The following SMIM8 variants were observed in gnomAD, a reference collection of about 807,000 sequenced individuals.
The protein encoded by SMIM8 is small integral membrane protein 8, also known as UPF0708 protein C6orf162.
In SMIM8, 8 loss-of-function variants were observed where a neutral mutation model predicts 8.1. The observed-to-expected ratio is 0.99, with a 90% confidence interval of 0.58 to 1.78. The LOEUF (loss-of-function observed/expected upper bound fraction) is 1.78, where lower values mean the gene tolerates loss of function less well. Ranked by LOEUF, SMIM8 falls within the 40% of genes most tolerant of loss-of-function variation. SMIM8 has a pLI of 0.00. For synonymous variants in SMIM8, 45 were observed against 39.7 expected, an observed-to-expected ratio of 1.13 and a Z score of -0.50; for missense variants, 126 against 119.8, an observed-to-expected ratio of 1.05 and a Z score of -0.24.
chr6:87,335,517 G>A (rs535544875), intron 2 of SMIM8, among the ~76,000 whole-genome samples: 6 of 152,054 alleles, frequency 3.9e-5, no homozygotes, highest in Admixed American at 6.6e-5. Flanking sequence ...TGCTTAGAAC[G>A]TTCCTTTTTC....
Position 87,340,333 on chromosome 6 carries a change from A to C in SMIM8, c.*59A>C. On this transcript the variant is annotated 3_prime_UTR_variant, in exon 4 of 4. Transcript: ENST00000392863. Reference sequence around the variant, plus strand: ...AGGTTCTGAAATCTTCAAATGAAAGACCTTGTGAGTGTACAGTATCATGTT... The same window carrying C: ...AGGTTCTGAAATCTTCAAATGAAAGCCCTTGTGAGTGTACAGTATCATGTT... 1 of 1,452,812 alleles carries C rather than the reference A, an allele frequency of 6.9e-7. No individual in the cohort carries two copies. The highest frequency in any genetic ancestry group is 2.5e-5 in the East Asian group (1 of 40,230). 90.0% of individuals were successfully genotyped at this position (1,452,812 alleles called of 1,614,324 possible). A position where few individuals can be genotyped will look rare whatever the true frequency, so the allele number is the denominator to read the frequency against.
chr6:87,336,540 A>G (rs1302450499), intron 2 of SMIM8, among the ~76,000 whole-genome samples: 4 of 152,012 alleles, frequency 2.6e-5, no homozygotes, highest in African/African-American at 9.7e-5. Flanking sequence ...AGTGGGGGAA[A>G]CTGGCCAGGA....
rs2985038 is a variant in SMIM8 at position 87,326,427 on chromosome 6, T to G, written c.-45+3795T>G. On this transcript the variant is annotated intron_variant, in intron 1 of 3. Coordinates refer to ENST00000392863, the MANE Select transcript of SMIM8 (RefSeq NM_001042493.3). ...TTAGGGCTATAAATTTCCCTCTACATGCTGCTTTGAATGCATCCCAGAGAT... is the reference window on the plus strand; with the variant it reads ...TTAGGGCTATAAATTTCCCTCTACAGGCTGCTTTGAATGCATCCCAGAGAT... Among the ~76,000 whole-genome samples the G allele has an allele frequency of 4.9e-3, 749 of 151,924 alleles. 8 individuals are homozygous for G. The highest frequency in any genetic ancestry group is 0.017 in the African/African-American group (699 of 41,400).
chr6:87,326,185 C>G (rs1340247948), intron 1 of SMIM8, among the ~76,000 whole-genome samples: 1 of 152,184 alleles, frequency 6.6e-6, no homozygotes, highest in Non-Finnish European at 1.5e-5. Context: ...TGCTAGCGGT[C>G]TATCAATTTT....
At chr6:87,328,748 G>A (rs1024676696) in intron 1 of SMIM8, among the ~76,000 whole-genome samples, 1 of 152,226 alleles carries the variant, frequency 6.6e-6, no homozygotes, top group African/African-American at 2.4e-5. Context: ...TACAGAGGCA[G>A]GCAGGCCTCC....
chr6:87,325,854 C>T (rs1186339282), intron 1 of SMIM8, among the ~76,000 whole-genome samples: 4 of 152,184 alleles, frequency 2.6e-5, no homozygotes, highest in African/African-American at 9.7e-5. Context: ...CCAGTTCCTC[C>T]TTGTACCTCT....
At chr6:87,325,873 T>G (rs1582086106) in intron 1 of SMIM8, among the ~76,000 whole-genome samples, 1 of 152,358 alleles carries the variant, frequency 6.6e-6, no homozygotes, top group East Asian at 1.9e-4. Context: ...CTGTTAGAAT[T>G]CGGCTGTGAA....
At chr6:87,326,254 GTC>G (rs1324510495) in intron 1 of SMIM8, among the ~76,000 whole-genome samples, 1 of 152,120 alleles carries the variant, frequency 6.6e-6, no homozygotes, top group African/African-American at 2.4e-5. Flanking sequence ...GGTTTTTAAT[GTC>G]TCTATTTCCT....
Position 87,336,992 on chromosome 6 carries a change from T to C in SMIM8, c.-23-17T>C, listed in dbSNP as rs1777126594. 4 of 1,536,112 alleles carry C rather than the reference T, an allele frequency of 2.6e-6. No homozygotes were observed. The highest frequency in any genetic ancestry group is 3.5e-6 in the Non-Finnish European group (4 of 1,143,576). On this transcript the variant is annotated splice_polypyrimidine_tract_variant and intron_variant, in intron 2 of 3. Coordinates refer to ENST00000392863, the MANE Select transcript of SMIM8 (RefSeq NM_001042493.3). ...AGCACAATTATGAAGGGAAAAAATA[T>C]ATTATTTTGTTTTTAGATAATAAAT... is the stretch of plus-strand genomic sequence containing the variant.
intron 1 of SMIM8, among the ~76,000 whole-genome samples, chr6:87,323,572 A>C (rs201760531): frequency 1.3e-5 from 2 of 151,310 alleles, no homozygotes; most frequent in East Asian, 1.9e-4. Context: ...ATGATTTCCA[A>C]TTTCATCCAT....
intron 2 of SMIM8, among the ~76,000 whole-genome samples, chr6:87,336,746 C>A (rs758568578): frequency 2.0e-5 from 3 of 152,124 alleles, no homozygotes; most frequent in Non-Finnish European, 4.4e-5. Flanking sequence ...AAACAATTCT[C>A]CAGTCTTCTA....
chr6:87,336,858 GTACAT>G (rs1777122441), intron 2 of SMIM8, among the ~76,000 whole-genome samples, 146 bp from the exon 3 acceptor site: 1 of 152,076 alleles, frequency 6.6e-6, no homozygotes, highest in Admixed American at 6.6e-5. Context: ...CATTTACAAA[GTACAT>G]TATACAAAGT....
In SMIM8 at chr6:87,337,082, GAA is replaced by G. The variant is rs760761450; in HGVS notation, c.53_54del (p.Lys18ArgfsTer26). 10 of 1,612,872 alleles carry G rather than the reference GAA, an allele frequency of 6.2e-6. No homozygotes were observed. In the African/African-American group the frequency reaches 1.2e-4, roughly 19 times the overall value. On this transcript the variant is annotated frameshift_variant, in exon 3 of 4. Transcript: ENST00000392863. LOFTEE classifies it high-confidence loss of function. ...CATTCAAAAAGGAACCACCCAAAGA[GAA>G]AGAGTTTCAAAGCCCAGGGCTCAGA... ...PTFKKEPPKE[K>X]EFQSPGLRGV...
At chr6:87,322,892 T>G (rs1330152904) in intron 1 of SMIM8, 1 of 152,374 alleles carries the variant, frequency 6.6e-6, no homozygotes, top group African/African-American at 2.4e-5. Flanking sequence ...TGTTCGGTGC[T>G]TCATCCATGG....
intron 1 of SMIM8, among the ~76,000 whole-genome samples, chr6:87,325,391 T>C (rs1386597634): frequency 2.7e-5 from 4 of 145,952 alleles, no homozygotes; most frequent in Non-Finnish European, 4.5e-5. Flanking sequence ...CAGTATGATA[T>C]TGGCTGTGGG....
In SMIM8 at chr6:87,335,351, A is replaced by G. The variant is rs555485565; in HGVS notation, c.-23-1658A>G. Among the ~76,000 whole-genome samples, 5 of 152,264 alleles carry G rather than the reference A, an allele frequency of 3.3e-5. No homozygotes were observed. In the South Asian group the frequency reaches 1.0e-3, roughly 32 times the overall value. On this transcript the variant is annotated intron_variant, in intron 2 of 3. Transcript: ENST00000392863. ...TATTTCCCAAGTTACCAAATCCTGA[A>G]GTTGCTACAGGAGTGCTAACTGATG... is the stretch of plus-strand genomic sequence containing the variant.
intron 3 of SMIM8, among the ~76,000 whole-genome samples, chr6:87,337,832 T>C (rs1295963989): frequency 6.6e-6 from 1 of 152,160 alleles, no homozygotes; most frequent in Non-Finnish European, 1.5e-5. Context: ...GTCAGTATAT[T>C]GCCCAAACTG....
At chr6:87,326,511 C>T (rs909435472) in intron 1 of SMIM8, among the ~76,000 whole-genome samples, 2 of 151,746 alleles carry the variant, frequency 1.3e-5, no homozygotes, top group African/African-American at 4.9e-5. Context: ...TTTCTGCCTT[C>T]AGTTCGTTAT....
chr6:87,324,746 G>A (rs537187542), intron 1 of SMIM8, among the ~76,000 whole-genome samples: 24 of 152,144 alleles, frequency 1.6e-4, no homozygotes, highest in East Asian at 3.9e-4. Context: ...TTGACTTGGC[G>A]ATGTGGGCTC....
Sources: gnomAD v4.1 joint callset for allele counts (sites outside exome capture counted in the v4.1 genomes callset) on GRCh38, gnomAD v4.1.1 for gene constraint, MANE v1.5 for transcripts, NCBI Gene and HGNC (gene_info 2026-07-23, HGNC 2026-07-21) for gene names.